NPAT: variants seen among roughly 807,000 people sequenced by gnomAD.
NPAT encodes the protein protein NPAT.
Under a neutral mutation model 130.7 loss-of-function variants are expected in NPAT, and 52 were observed. The observed-to-expected ratio is 0.40, with a 90% CI of 0.32 to 0.50. The LOEUF is 0.50. Ranked by LOEUF, NPAT falls within the 20% of genes least tolerant of loss-of-function variation. The probability of loss-of-function intolerance (pLI) is 0.68; values close to 1 mark genes in which losing one functional copy is unlikely to be tolerated. For missense variants in NPAT, 1,687 were observed against 1,662.6 expected (o/e 1.01, Z -0.26); for synonymous variants, 580 against 584.8 (o/e 0.99, Z 0.12).
At chr11:108,162,585 C>T (rs1048126460) in intron 15 of NPAT, among the ~76,000 whole-genome samples, 3 of 152,146 alleles carry the variant, frequency 2.0e-5, no homozygotes, top group Non-Finnish European at 2.9e-5. Context: ...CGCCCCCAAC[C>T]ATGCTCAGCT....
chr11:108,185,553 T>C, intron 8 of NPAT, 59 bp from the exon 9 acceptor site: 1 of 1,146,868 alleles, frequency 8.7e-7, no homozygotes, highest in Middle Eastern at 2.8e-4. Context: ...CTATTTAATA[T>C]TTATAAGAAA....
intron 1 of NPAT, among the ~76,000 whole-genome samples, chr11:108,211,581 G>A (rs1355428915): frequency 9.9e-5 from 15 of 151,226 alleles, no homozygotes; most frequent in Admixed American, 9.9e-4. Context: ...CAAAATACTA[G>A]CAAATCAAGT....
chr11:108,173,786 T>C lies in NPAT; in HGVS notation c.1198A>G (p.Lys400Glu). 9 of 1,614,184 alleles carry C rather than the reference T, an allele frequency of 5.6e-6. No homozygotes were observed. In the South Asian group the frequency reaches 6.6e-5, roughly 12 times the overall value. The change falls in exon 13 of 18, where the codon AAG becomes GAG. Residue 400 changes from lysine to glutamate, a missense_variant. Lys to Glu is a moderately conservative substitution (Grantham distance 56, BLOSUM62 1). Coordinates refer to ENST00000278612, the MANE Select transcript of NPAT (RefSeq NM_002519.3). ...YQNDDPLNAL[K>E]NSNNHDVLRQ... ...AGCACATCATGGTTGTTGCTATTCT[T>C]CAAAGCATTTAATGGGTCATCATTC...
chr11:108,201,050 G>C (rs978568986), intron 1 of NPAT, among the ~76,000 whole-genome samples: 2 of 152,212 alleles, frequency 1.3e-5, no homozygotes, highest in Non-Finnish European at 2.9e-5. Context: ...ACAATATGTA[G>C]ATGACATTCT....
At chr11:108,175,847 T>C (rs1234260036) in intron 12 of NPAT, among the ~76,000 whole-genome samples, 2 of 152,198 alleles carry the variant, frequency 1.3e-5, no homozygotes, top group African/African-American at 4.8e-5. Flanking sequence ...AAATTGTACA[T>C]GTCAAGAATT....
chr11:108,164,484 C>A (rs116751198), intron 15 of NPAT, among the ~76,000 whole-genome samples: 2,632 of 152,176 alleles, frequency 0.017, 68 homozygotes, highest in African/African-American at 0.06. Context: ...GGGCTCTAGG[C>A]TGTTTAGTAA....
intron 1 of NPAT, among the ~76,000 whole-genome samples, chr11:108,216,216 T>C (rs1176950235): frequency 6.6e-6 from 1 of 152,182 alleles, no homozygotes; most frequent in Non-Finnish European, 1.5e-5. Context: ...CAAGTACTTA[T>C]CACCCTAGAT....
At chr11:108,200,144 C>A (rs1279564208) in intron 1 of NPAT, among the ~76,000 whole-genome samples, 1 of 152,196 alleles carries the variant, frequency 6.6e-6, no homozygotes, top group South Asian at 2.1e-4. Flanking sequence ...CCCCTACCTG[C>A]GTTTAAGTTG....
Position 108,172,195 on chromosome 11 carries a change from T to A in NPAT, c.2785+4A>T, listed in dbSNP as rs374585786. The A allele has an allele frequency of 1.2e-4, 189 of 1,613,246 alleles. No homozygotes were observed. Among genetic ancestry groups the A allele is most frequent in the Non-Finnish European group, 1.5e-4 (182 of 1,179,314 alleles). On this transcript the variant is annotated splice_donor_region_variant and intron_variant, in intron 13 of 17. Transcript: ENST00000278612. ...ACAAATTTCAATTATGTTATTAAAG[T>A]TACCTTGTGAAAAGTTTGGTGACAC...
intron 3 of NPAT, among the ~76,000 whole-genome samples, chr11:108,192,694 G>A (rs1453574499): frequency 3.3e-5 from 5 of 152,094 alleles, no homozygotes; most frequent in Admixed American, 2.0e-4. Flanking sequence ...GGTGGCTCAC[G>A]CCTGTAATCC....
intron 10 of NPAT, among the ~76,000 whole-genome samples, chr11:108,178,114 A>G (rs2078026023): frequency 6.6e-6 from 1 of 152,048 alleles, no homozygotes; most frequent in South Asian, 2.1e-4. Flanking sequence ...TATCCCTTTT[A>G]TCTGTCTGCT....
At chr11:108,205,121 TA>T (rs573211693) in intron 1 of NPAT, among the ~76,000 whole-genome samples, 9 of 152,148 alleles carry the variant, frequency 5.9e-5, no homozygotes, top group Non-Finnish European at 1.0e-4. Flanking sequence ...ACTCATCACA[TA>T]CAAGGGTTTC....
In NPAT at chr11:108,207,413, C is replaced by T. The variant is rs1289509910; in HGVS notation, c.38-9993G>A. On this transcript the variant is annotated intron_variant, in intron 1 of 17. Transcript: ENST00000278612. ...CACCTAGGAGACCATCTGCCTCCTG[C>T]CACCATCAACCTGACATCCAAGGTG... Among the ~76,000 whole-genome samples, 9 of 152,354 alleles carry T rather than the reference C, an allele frequency of 5.9e-5. No homozygotes were observed. In the East Asian group the frequency reaches 1.7e-3, roughly 29 times the overall value.
intron 1 of NPAT, among the ~76,000 whole-genome samples, chr11:108,207,482 C>T (rs757041168): frequency 7.9e-5 from 12 of 152,214 alleles, no homozygotes; most frequent in Non-Finnish European, 1.5e-4. Flanking sequence ...AGGCCCATGC[C>T]GAGTTGCCCT....
chr11:108,162,227 G>A, intron 15 of NPAT, 47 bp from the exon 16 acceptor site: 3 of 1,490,008 alleles, frequency 2.0e-6, no homozygotes, highest in Non-Finnish European at 2.8e-6. Flanking sequence ...ATACTCCTCT[G>A]AAAGAGGATA....
chr11:108,172,121 G>A (rs573085280), intron 13 of NPAT, 78 bp downstream of exon 13: 45 of 1,194,058 alleles, frequency 3.8e-5, no homozygotes, highest in South Asian at 6.1e-5. Context: ...TTATTACTTC[G>A]CAGTCAATAA....
intron 7 of NPAT, among the ~76,000 whole-genome samples, chr11:108,187,472 T>C (rs1265622151): frequency 6.6e-6 from 1 of 152,028 alleles, no homozygotes; most frequent in African/African-American, 2.4e-5. Flanking sequence ...AAAATGGATA[T>C]TGCTGTTTGT....
chr11:108,202,632 G>C (rs1479954286), intron 1 of NPAT, among the ~76,000 whole-genome samples: 1 of 152,110 alleles, frequency 6.6e-6, no homozygotes, highest in African/African-American at 2.4e-5. Flanking sequence ...GTAAAAATCT[G>C]CTAAAAATGG....
chr11:108,166,168 G>C (rs927814874), intron 15 of NPAT, among the ~76,000 whole-genome samples: 1 of 151,762 alleles, frequency 6.6e-6, no homozygotes. Flanking sequence ...CCGAGGTGGG[G>C]GGATTAAGAG....
Sources: allele counts gnomAD v4.1 joint callset (sites outside exome capture counted in the v4.1 genomes callset), GRCh38; gene constraint gnomAD v4.1.1; transcripts MANE v1.5; gene names NCBI Gene and HGNC (gene_info 2026-07-23, HGNC 2026-07-21).